The following CTNNA2 variants were observed in gnomAD, a reference collection of about 807,000 sequenced individuals.
CTNNA2 encodes catenin alpha 2.
A neutral mutation model predicts 101.0 loss-of-function variants in CTNNA2; 42 were observed. The ratio of observed to expected loss-of-function variants is 0.42; its 90% CI spans 0.32 to 0.54. The LOEUF (loss-of-function observed/expected upper bound fraction) is 0.54. CTNNA2 is among the 20% of genes least tolerant of loss of function. CTNNA2 has a pLI of 0.14. For synonymous variants in CTNNA2, 450 were observed against 456.4 expected, an observed-to-expected ratio of 0.99 and a Z score of 0.18; for missense variants, 871 against 1,223.1, an observed-to-expected ratio of 0.71 and a Z score of 4.29.
At chr2:79,799,945 G>A (rs1330288972) in intron 3 of CTNNA2, among the ~76,000 whole-genome samples, 3 of 152,140 alleles carry the variant, frequency 2.0e-5, no homozygotes, top group Non-Finnish European at 4.4e-5. Flanking sequence ...GAAAAGTTCA[G>A]GGATGTGAAA....
intron 7 of CTNNA2, among the ~76,000 whole-genome samples, chr2:80,301,423 G>C (rs1676297277): frequency 6.6e-6 from 1 of 152,214 alleles, no homozygotes; most frequent in African/African-American, 2.4e-5. Flanking sequence ...AAGAACAGGT[G>C]GCATTTGGGG....
chr2:79,847,420 A>G (rs1248481174), intron 3 of CTNNA2, among the ~76,000 whole-genome samples: 12 of 151,642 alleles, frequency 7.9e-5, no homozygotes, highest in Non-Finnish European at 1.5e-5. Context: ...GCATGTGCCT[A>G]TAATCCCAGC....
chr2:79,985,449 G>A (rs1443762036), intron 7 of CTNNA2, among the ~76,000 whole-genome samples: 6 of 152,068 alleles, frequency 3.9e-5, no homozygotes, highest in African/African-American at 1.5e-4. Flanking sequence ...AGTGAGAGTG[G>A]CAGCCTCTGA....
intron 3 of CTNNA2, among the ~76,000 whole-genome samples, chr2:79,327,285 G>A (rs186240663): frequency 1.7e-4 from 26 of 152,264 alleles, no homozygotes; most frequent in African/African-American, 2.9e-4. Flanking sequence ...GAAGAGTGAC[G>A]ATAAATCTTG....
chr2:79,572,644 C>G (rs1489223379), intron 1 of CTNNA2, among the ~76,000 whole-genome samples: 1 of 152,134 alleles, frequency 6.6e-6, no homozygotes, highest in Non-Finnish European at 1.5e-5. Context: ...CCCAGCTATT[C>G]AGGAGCCTGA....
At chr2:79,889,322 C>T (rs1453783115) in intron 6 of CTNNA2, among the ~76,000 whole-genome samples, 4 of 152,192 alleles carry the variant, frequency 2.6e-5, no homozygotes, top group Non-Finnish European at 2.9e-5. Context: ...GAGTCCCATT[C>T]TTTATTTCCC....
chr2:80,374,792 C>A (rs549380883), intron 7 of CTNNA2, among the ~76,000 whole-genome samples: 7 of 151,616 alleles, frequency 4.6e-5, no homozygotes, highest in South Asian at 2.1e-4. Context: ...CTCATTTTAA[C>A]TTAATTACCT....
At chr2:80,554,623 A>C (rs1692865521) in intron 11 of CTNNA2, among the ~76,000 whole-genome samples, 1 of 152,212 alleles carries the variant, frequency 6.6e-6, no homozygotes, top group Admixed American at 6.5e-5. Flanking sequence ...AAGGACACTA[A>C]TTCCATTCCT....
intron 2 of CTNNA2, 22 bp downstream of exon 2, chr2:79,651,680 CT>C: frequency 6.3e-7 from 1 of 1,585,420 alleles, no homozygotes; most frequent in Non-Finnish European, 8.7e-7. Flanking sequence ...TTTGAAACCA[CT>C]TTGTTATATA....
chr2:79,480,368 A>G (rs1337236749), intron 4 of CTNNA2, among the ~76,000 whole-genome samples: 1 of 152,172 alleles, frequency 6.6e-6, no homozygotes, highest in Non-Finnish European at 1.5e-5. Flanking sequence ...TTCTTAATTG[A>G]TCTTTCTCAC....
chr2:80,133,332 A>G (rs926180475), intron 7 of CTNNA2, among the ~76,000 whole-genome samples: 24 of 152,166 alleles, frequency 1.6e-4, no homozygotes, highest in African/African-American at 5.8e-4. Context: ...CTCCAGAACT[A>G]TGCAGTAATA....
chr2:79,374,032 A>G (rs1677929751), intron 4 of CTNNA2: 1 of 152,258 alleles, frequency 6.6e-6, no homozygotes, highest in African/African-American at 2.4e-5. Flanking sequence ...TTTTTAACTT[A>G]TCTCATTCAA....
chr2:80,158,468 A>G (rs1232679365), intron 7 of CTNNA2, among the ~76,000 whole-genome samples: 1 of 152,228 alleles, frequency 6.6e-6, no homozygotes, highest in Non-Finnish European at 1.5e-5. Flanking sequence ...TGTCATTGAT[A>G]CAGTGAGATA....
intron 18 of CTNNA2, among the ~76,000 whole-genome samples, chr2:80,630,154 T>C (rs887171615): frequency 6.6e-6 from 1 of 152,188 alleles, no homozygotes; most frequent in Non-Finnish European, 1.5e-5. Context: ...TTAGAGCTTA[T>C]GTATTTCTAT....
chr2:80,039,459 T>G (rs76267654), intron 7 of CTNNA2, among the ~76,000 whole-genome samples: 73 of 152,300 alleles, frequency 4.8e-4, no homozygotes, highest in Non-Finnish European at 8.4e-4. Flanking sequence ...ATGTTCTCAC[T>G]CAGAAGAAAA....
At chr2:80,027,660 G>A (rs1053897936) in intron 7 of CTNNA2, among the ~76,000 whole-genome samples, 7 of 152,034 alleles carry the variant, frequency 4.6e-5, no homozygotes, top group African/African-American at 1.2e-4. Context: ...ACCATTAGCC[G>A]TATAAATCAT....
At chr2:79,257,347 C>T (rs1674861091) in intron 2 of CTNNA2, among the ~76,000 whole-genome samples, 1 of 151,896 alleles carries the variant, frequency 6.6e-6, no homozygotes, top group Admixed American at 6.6e-5. Context: ...TTAAGGATAA[C>T]CCAGGTTTCA....
chr2:79,997,628 C>T (rs544544306), intron 7 of CTNNA2, among the ~76,000 whole-genome samples: 62 of 152,076 alleles, frequency 4.1e-4, no homozygotes, highest in Non-Finnish European at 7.4e-4. Flanking sequence ...TCCCTCTCTG[C>T]GTATACAACT....
intron 2 of CTNNA2, among the ~76,000 whole-genome samples, chr2:79,725,180 C>G (rs1023716593): frequency 1.3e-5 from 2 of 152,146 alleles, no homozygotes; most frequent in African/African-American, 4.8e-5. Context: ...GAGTTTATAT[C>G]ATGAAACAGA....
Sources: allele counts gnomAD v4.1 joint callset (sites outside exome capture counted in the v4.1 genomes callset), GRCh38; gene constraint gnomAD v4.1.1; transcripts MANE v1.5; gene names NCBI Gene and HGNC (gene_info 2026-07-23, HGNC 2026-07-21).